Variants in TRDMT1 observed in about 807,000 individuals in gnomAD.
The protein encoded by TRDMT1 is tRNA (cytosine(38)-C(5))-methyltransferase.
TRDMT1 carries 49 observed loss-of-function variants against 51.2 expected under a neutral mutation model. The observed-to-expected ratio is 0.96, with a 90% CI of 0.76 to 1.21. The LOEUF (loss-of-function observed/expected upper bound fraction) is 1.21. TRDMT1 is among the 50% of genes most tolerant of loss of function. The pLI is 0.00. For synonymous variants in TRDMT1, 187 were observed against 164.6 expected, an observed-to-expected ratio of 1.14 and a Z score of -1.04; for missense variants, 534 against 462.3, an observed-to-expected ratio of 1.16 and a Z score of -1.42.
At position 17,146,878 on chromosome 10, in the gene TRDMT1, C is replaced by T. The variant is rs1194941600; in HGVS notation, c.*2162G>A. On this transcript the variant is annotated 3_prime_UTR_variant, in exon 11 of 11. Coordinates refer to ENST00000377799, the MANE Select transcript of TRDMT1 (RefSeq NM_004412.7). ...GCTAATTGAATGACACTGGTAGATA[C>T]ATCTTCATTAAGATGTGAGTTTTAT... 3.0e-6 allele frequency: 3 copies of T among 984,196 alleles called. No individual in the cohort carries two copies. The highest frequency in any genetic ancestry group is 1.2e-4 in the Admixed American group (2 of 16,020). The allele number at this position is 984,196 out of a possible 1,614,324, so 61.0% of individuals were successfully genotyped here. A position where few individuals can be genotyped will look rare whatever the true frequency, so the allele number is the denominator to read the frequency against.
Position 17,151,592 on chromosome 10 carries a change from C to T in TRDMT1, c.1075+1915G>A, listed in dbSNP as rs931147997. 1.3e-4 allele frequency: 127 copies of T among 985,398 alleles called. 1 individual carries two copies. Among genetic ancestry groups the T allele is most frequent in the South Asian group, 2.3e-4 (5 of 21,302 alleles). The allele number at this position is 985,398 out of a possible 1,614,324, so 61.0% of individuals were successfully genotyped here. On this transcript the variant is annotated intron_variant, in intron 10 of 10. Transcript: ENST00000377799. Reference sequence around the variant, plus strand: ...TAAGCTCAACTCCAAAAACATATCACGTATTTTAGAAGGAGGTTCAGTAAT... The same window carrying T: ...TAAGCTCAACTCCAAAAACATATCATGTATTTTAGAAGGAGGTTCAGTAAT...
rs1448003132 is a variant in TRDMT1 at position 17,161,477 on chromosome 10, T to C, written c.389+6A>G. The C allele has an allele frequency of 7.3e-7, 1 of 1,369,510 alleles. No homozygotes were observed. Among genetic ancestry groups the C allele is most frequent in the Non-Finnish European group, 9.8e-7 (1 of 1,018,114 alleles). The allele number at this position is 1,369,510 out of a possible 1,614,324, so 84.8% of individuals were successfully genotyped here. A position where few individuals can be genotyped will look rare whatever the true frequency, so the allele number is the denominator to read the frequency against. On this transcript the variant is annotated splice_donor_region_variant and intron_variant, in intron 5 of 10. Transcript: ENST00000377799. ...AGATGTATGCAAGACAAATACATTT[T>C]TTTACCTTGTAGAAGATACTTCAAA...
At chr10:17,160,878 A>G (rs916659028) in intron 5 of TRDMT1, among the ~76,000 whole-genome samples, 2 of 152,236 alleles carry the variant, frequency 1.3e-5, no homozygotes, top group African/African-American at 2.4e-5. Flanking sequence ...GAATCAAAAG[A>G]TATACATAAT....
At chr10:17,191,471 C>T (rs1164939661) in intron 1 of TRDMT1, among the ~76,000 whole-genome samples, 2 of 152,114 alleles carry the variant, frequency 1.3e-5, no homozygotes, top group African/African-American at 2.4e-5. Context: ...AACTCCGAAG[C>T]GGCAAGAGTT....
At chr10:17,150,853 C>T (rs1396298851) in intron 10 of TRDMT1, 1 of 985,014 alleles carries the variant, frequency 1.0e-6, no homozygotes, top group Non-Finnish European at 1.2e-6. Flanking sequence ...AAATTATTTA[C>T]TTCAAAGTAG....
In TRDMT1 at chr10:17,146,110, C is replaced by T. The variant is rs1588686697; in HGVS notation, c.*2930G>A. 2 of 985,424 alleles carry T rather than the reference C, an allele frequency of 2.0e-6. No individual in the cohort carries two copies. Among genetic ancestry groups the T allele is most frequent in the East Asian group, 1.1e-4 (1 of 8,814 alleles). 61.0% of individuals were successfully genotyped at this position (985,424 alleles called of 1,614,324 possible). On this transcript the variant is annotated 3_prime_UTR_variant, in exon 11 of 11. Coordinates refer to ENST00000377799, the MANE Select transcript of TRDMT1 (RefSeq NM_004412.7). ...CAGCCTTTCAGGGCAACTTAAAAGC[C>T]TCTCTACTAAATAACTTTACCTCTT... is the stretch of plus-strand genomic sequence containing the variant.
chr10:17,170,146 T>C (rs1393737442), intron 2 of TRDMT1, among the ~76,000 whole-genome samples: 2 of 152,164 alleles, frequency 1.3e-5, no homozygotes, highest in Admixed American at 6.5e-5. Context: ...ACAGAGTCAA[T>C]GTCTCTAATA....
At position 17,144,348 on chromosome 10, in the gene TRDMT1, T is replaced by A; in HGVS notation, c.*4692A>T. On this transcript the variant is annotated 3_prime_UTR_variant, in exon 11 of 11. Transcript: ENST00000377799. ...ATATTTGAAGTAAACACTGAAGCCA[T>A]GCTAGGTACAAGCAAAGAAATGAAA... 4.1e-6 allele frequency: 4 copies of A among 985,464 alleles called. No homozygotes were observed. The highest frequency in any genetic ancestry group is 4.8e-6 in the Non-Finnish European group (4 of 829,922). 61.0% of individuals were successfully genotyped at this position (985,464 alleles called of 1,614,324 possible).
chr10:17,175,591 T>C (rs924104511), intron 1 of TRDMT1, among the ~76,000 whole-genome samples: 1 of 150,798 alleles, frequency 6.6e-6, no homozygotes, highest in Middle Eastern at 3.2e-3. Context: ...CAATATTACA[T>C]AGTAGATCCA....
chr10:17,154,269 G>C (rs1839194539), intron 9 of TRDMT1, among the ~76,000 whole-genome samples: 1 of 152,114 alleles, frequency 6.6e-6, no homozygotes, highest in South Asian at 2.1e-4. Context: ...AACAACTGAA[G>C]TATTCATAAA....
At chr10:17,172,418 G>T (rs1402841631) in intron 2 of TRDMT1, among the ~76,000 whole-genome samples, 1 of 152,156 alleles carries the variant, frequency 6.6e-6, no homozygotes, top group Non-Finnish European at 1.5e-5. Context: ...AGCACTTTGA[G>T]AGGCTGATAT....
rs1463421495 is a variant in TRDMT1, at chr10:17,186,660, G to A, written c.65-12000C>T. ...GCTTTAAGCTACTAAGTTTATGTTT[G>A]TTACAACAGCAATAGGAAACTCATA... On this transcript the variant is annotated intron_variant, in intron 1 of 10. Coordinates refer to ENST00000377799, the MANE Select transcript of TRDMT1 (RefSeq NM_004412.7). Among the ~76,000 whole-genome samples, 3 of 152,208 alleles carry A rather than the reference G, an allele frequency of 2.0e-5. No individual in the cohort carries two copies. In the South Asian group the frequency reaches 6.2e-4, roughly 32 times the overall value.
intron 8 of TRDMT1, among the ~76,000 whole-genome samples, chr10:17,156,004 C>T (rs1443691460): frequency 1.3e-5 from 2 of 152,104 alleles, no homozygotes; most frequent in Non-Finnish European, 2.9e-5. Flanking sequence ...CCAGTGAAGT[C>T]TTTCAAGATA....
chr10:17,155,784 A>C (rs1214894378), intron 8 of TRDMT1, among the ~76,000 whole-genome samples: 1 of 152,192 alleles, frequency 6.6e-6, no homozygotes, highest in African/African-American at 2.4e-5. Flanking sequence ...AATTTTTTTC[A>C]AACTGTCTTT....
intron 8 of TRDMT1, among the ~76,000 whole-genome samples, 190 bp downstream of exon 8, chr10:17,157,251 T>A (rs1158782322): frequency 1.3e-5 from 2 of 152,188 alleles, no homozygotes; most frequent in Non-Finnish European, 2.9e-5. Context: ...GTGGTGCACA[T>A]AATGTTCTGC....
chr10:17,148,660 A>G lies in TRDMT1; in HGVS notation c.*380T>C. Reference sequence around the variant, plus strand: ...ATCATTATTTTAAAATTAGAAATAAAAAACTTCTTTAATTAACATAAAAAT... The same window carrying G: ...ATCATTATTTTAAAATTAGAAATAAGAAACTTCTTTAATTAACATAAAAAT... On this transcript the variant is annotated 3_prime_UTR_variant, in exon 11 of 11. Coordinates refer to ENST00000377799, the MANE Select transcript of TRDMT1 (RefSeq NM_004412.7). 1 of 968,642 alleles carries G rather than the reference A, an allele frequency of 1.0e-6. No homozygotes were observed. The highest frequency in any genetic ancestry group is 1.2e-6 in the Non-Finnish European group (1 of 815,916). The allele number at this position is 968,642 out of a possible 1,614,324, so 60.0% of individuals were successfully genotyped here. A position where few individuals can be genotyped will look rare whatever the true frequency, so the allele number is the denominator to read the frequency against.
In TRDMT1 at chr10:17,157,690, T is replaced by C; in HGVS notation, c.638A>G (p.Asn213Ser). The C allele has an allele frequency of 6.2e-7, 1 of 1,613,114 alleles. No individual in the cohort carries two copies. The highest frequency in any genetic ancestry group is 8.5e-7 in the Non-Finnish European group (1 of 1,179,560). ...CTGTATGCTGCCATCAAAGCTAATATTTGGTTCAACGTTCTTTTCTTGAAT... is the reference window on the plus strand; with the variant it reads ...CTGTATGCTGCCATCAAAGCTAATACTTGGTTCAACGTTCTTTTCTTGAAT... ...NKIQEKNVEPNISFDGSIQCS... is the reference protein window; with the variant it reads ...NKIQEKNVEPSISFDGSIQCS... The change falls in exon 8 of 11, where the codon AAT (asparagine) becomes AGT (serine). Residue 213 changes from asparagine (N) to serine (S), a missense_variant. Asn to Ser is a conservative substitution (Grantham distance 46, BLOSUM62 1). Transcript: ENST00000377799.
At position 17,177,485 on chromosome 10, in the gene TRDMT1, G is replaced by A. The variant is rs541456574; in HGVS notation, c.65-2825C>T. Among the ~76,000 whole-genome samples, 113 of 151,998 alleles carry A rather than the reference G, an allele frequency of 7.4e-4. 2 individuals are homozygous for A. In the South Asian group the frequency reaches 0.023, roughly 32 times the overall value. On this transcript the variant is annotated intron_variant, in intron 1 of 10. Transcript: ENST00000377799. ...CCAAAGTGCTGGGATTACAGGTGTGGGCCACCACGCTTGGCTGAAAAACAC... is the reference window on the plus strand; with the variant it reads ...CCAAAGTGCTGGGATTACAGGTGTGAGCCACCACGCTTGGCTGAAAAACAC...
At position 17,144,281 on chromosome 10, in the gene TRDMT1, T is replaced by A. The variant is rs1252372163; in HGVS notation, c.*4759A>T. 1 of 985,566 alleles carries A rather than the reference T, an allele frequency of 1.0e-6. No individual in the cohort carries two copies. Among genetic ancestry groups the A allele is most frequent in the African/African-American group, 1.7e-5 (1 of 57,352 alleles). The allele number at this position is 985,566 out of a possible 1,614,324, so 61.1% of individuals were successfully genotyped here. ...ACACTCTTATAATTTCAATCTGTCC[T>A]GATAAAAATAGAAATCAAAATGCAA... On this transcript the variant is annotated 3_prime_UTR_variant, in exon 11 of 11. Transcript: ENST00000377799.
Sources: allele counts gnomAD v4.1 joint callset (sites outside exome capture counted in the v4.1 genomes callset), GRCh38; gene constraint gnomAD v4.1.1; transcripts MANE v1.5; gene names NCBI Gene and HGNC (gene_info 2026-07-23, HGNC 2026-07-21).